NFATC4: variants seen among roughly 807,000 people sequenced by gnomAD.
The protein encoded by NFATC4 is nuclear factor of activated T cells 4.
A neutral mutation model predicts 73.4 loss-of-function variants in NFATC4; 25 were observed. That is an observed-to-expected ratio of 0.34 (90% CI 0.25 to 0.48). NFATC4 has a LOEUF of 0.48. NFATC4 is among the 20% of genes least tolerant of loss of function. NFATC4 has a pLI of 0.99. For missense variants in NFATC4, 1,130 were observed against 1,203.7 expected (o/e 0.94, Z 0.91); for synonymous variants, 523 against 510.3 (o/e 1.02, Z -0.34).
At chr14:24,368,535 G>C in intron 1 of NFATC4, 95 bp downstream of exon 1, 1 of 1,202,866 alleles carries the variant, frequency 8.3e-7, no homozygotes, top group Non-Finnish European at 1.0e-6. Context: ...CTAGGGTGGG[G>C]GGTGAGGGAG....
Position 24,376,507 on chromosome 14 carries a change from C to G in NFATC4, c.2270C>G (p.Ser757Cys), listed in dbSNP as rs377350961. ...TACCCCCAGACGGGGCCCCCACCAT[C>G]CTACAGACCGGGCCTGCGGATGTTC... is the stretch of plus-strand genomic sequence containing the variant. ...PLYPQTGPPPSYRPGLRMFPE... is the reference protein window; with the variant it reads ...PLYPQTGPPPCYRPGLRMFPE... The change falls in exon 9 of 10, where the codon TCC (serine) becomes TGC (cysteine). Residue 757 changes from serine to cysteine, a missense_variant. Ser to Cys is a moderately radical substitution (Grantham distance 112). Coordinates refer to ENST00000250373, the MANE Select transcript of NFATC4 (RefSeq NM_004554.5). This position sits in a 1 kb window ranked among gnomAD's most constrained non-coding sequence, Gnocchi z 5.0. The G allele has an allele frequency of 6.2e-7, 1 of 1,613,760 alleles. No homozygotes were observed. Among genetic ancestry groups the G allele is most frequent in the African/African-American group, 1.3e-5 (1 of 74,888 alleles).
At chr14:24,369,321 T>A (rs1478530408) in intron 1 of NFATC4, 178 bp from the exon 2 acceptor site, 8 of 1,591,294 alleles carry the variant, frequency 5.0e-6, no homozygotes, top group Non-Finnish European at 6.8e-6. Flanking sequence ...GCATGCCTGC[T>A]TCAATCTCCT....
upstream of NFATC4, chr14:24,367,992 GT>G (rs553785821): frequency 7.4e-3 from 6,467 of 869,478 alleles, 4 homozygotes; most frequent in African/African-American, 0.016. Flanking sequence ...TTCCAATTCA[GT>G]TTTTTTTTTT....
rs1316009708 is a variant in NFATC4, at chr14:24,373,181, A to G, written c.1370A>G (p.Tyr457Cys). Residue 457 changes from tyrosine to cysteine, a missense_variant, in exon 4 of 10, where the codon TAC (tyrosine) becomes TGC (cysteine). Coordinates refer to ENST00000250373, the MANE Select transcript of NFATC4 (RefSeq NM_004554.5). The surrounding 1 kb of genome is among the most constrained non-coding windows in gnomAD (Gnocchi z 4.7). ...GGHPVVKLLG[Y>C]SEKPLTLQMF... ...CTCTCCCTCTGCCAGCTCCTAGGCT[A>G]CAGTGAGAAGCCACTGACCCTACAG... The G allele has an allele frequency of 1.2e-6, 2 of 1,614,162 alleles. No individual in the cohort carries two copies. The highest frequency in any genetic ancestry group is 1.7e-5 in the Admixed American group (1 of 60,030).
Position 24,373,056 on chromosome 14 carries a change from A to T in NFATC4, c.1360-115A>T. On this transcript the variant is annotated intron_variant, in intron 3 of 9. Coordinates refer to ENST00000250373, the MANE Select transcript of NFATC4 (RefSeq NM_004554.5). The surrounding 1 kb of genome is among the most constrained non-coding windows in gnomAD (Gnocchi z 4.7). ...CCAGTTCCCCAAGGGATTCCCTTGC[A>T]GGATATCCTTTATCTTTCACCATTC... The T allele has an allele frequency of 9.6e-7, 1 of 1,042,050 alleles. No individual in the cohort carries two copies. Among genetic ancestry groups the T allele is most frequent in the Non-Finnish European group, 1.4e-6 (1 of 718,554 alleles). The allele number at this position is 1,042,050 out of a possible 1,614,324, so 64.6% of individuals were successfully genotyped here.
chr14:24,373,131 T>C lies in NFATC4; in HGVS notation c.1360-40T>C. ...TAGGGATGAATAAAGGATGAGACGG[T>C]GGGGATTTCAATGAGGTGGCCGCTC... On this transcript the variant is annotated intron_variant, in intron 3 of 9. Transcript: ENST00000250373. The surrounding 1 kb of genome is among the most constrained non-coding windows in gnomAD (Gnocchi z 4.7). The C allele has an allele frequency of 6.3e-7, 1 of 1,586,284 alleles. No individual in the cohort carries two copies. Among genetic ancestry groups the C allele is most frequent in the Non-Finnish European group, 8.6e-7 (1 of 1,156,076 alleles).
chr14:24,375,847 A>C, intron 7 of NFATC4, 128 bp from the exon 8 acceptor site: 1 of 1,538,028 alleles, frequency 6.5e-7, no homozygotes, highest in Non-Finnish European at 9.0e-7. Flanking sequence ...AAGCAGGTGC[A>C]TCTCTAGGGA....
rs1213041091 is a variant in NFATC4 at position 24,377,554 on chromosome 14, T to C, written c.2642-84T>C. The stretch of plus-strand genomic sequence containing the variant: ...TCTAGAGGCCTCCTAGATTAAGACC[T>C]GCCTGGAATGGATTGGGGGTGGGTC... On this transcript the variant is annotated intron_variant, in intron 9 of 9. Transcript: ENST00000250373. This position sits in a 1 kb window ranked among gnomAD's most constrained non-coding sequence, Gnocchi z 4.2. 2.5e-6 allele frequency: 4 copies of C among 1,603,540 alleles called. No individual in the cohort carries two copies. Among genetic ancestry groups the C allele is most frequent in the Non-Finnish European group, 2.6e-6 (3 of 1,173,968 alleles).
In NFATC4 at chr14:24,373,592, G is replaced by A. The variant is rs2139298699; in HGVS notation, c.1560-103G>A. ...ATAGCCTCCTAGGCACTCATCGAAA[G>A]TCATTCAAGGCTTTGGATGGAGGGC... is the stretch of plus-strand genomic sequence containing the variant. On this transcript the variant is annotated intron_variant, in intron 4 of 9. Coordinates refer to ENST00000250373, the MANE Select transcript of NFATC4 (RefSeq NM_004554.5). This position sits in a 1 kb window ranked among gnomAD's most constrained non-coding sequence, Gnocchi z 4.7. 1 of 1,510,152 alleles carries A rather than the reference G, an allele frequency of 6.6e-7. No homozygotes were observed. The highest frequency in any genetic ancestry group is 2.3e-5 in the East Asian group (1 of 44,228). 93.5% of individuals were successfully genotyped at this position (1,510,152 alleles called of 1,614,324 possible).
rs946476333 is a variant in NFATC4 at position 24,370,061 on chromosome 14, C to G, written c.663C>G (p.Ser221=). 6.2e-7 allele frequency: 1 copy of G among 1,607,622 alleles called. No individual in the cohort carries two copies. Among genetic ancestry groups the G allele is most frequent in the African/African-American group, 1.3e-5 (1 of 75,028 alleles). The change falls in exon 2 of 10, where the codon TCC becomes TCG. Residue 221 remains serine (S), a synonymous_variant. Transcript: ENST00000250373. ...CCCCGCTGCCCTCGCCCCGGGCCTC[C>G]CCTCGGCCATGGACCCCCGAAGATC... The part of the protein sequence containing the change: ...LGSPLPSPRA[S]PRPWTPEDPW...
In NFATC4 at chr14:24,373,669, G is replaced by T; in HGVS notation, c.1560-26G>T. 1 of 1,586,558 alleles carries T rather than the reference G, an allele frequency of 6.3e-7. No individual in the cohort carries two copies. Among genetic ancestry groups the T allele is most frequent in the Non-Finnish European group, 8.6e-7 (1 of 1,164,608 alleles). On this transcript the variant is annotated intron_variant, in intron 4 of 9. Transcript: ENST00000250373. This position sits in a 1 kb window ranked among gnomAD's most constrained non-coding sequence, Gnocchi z 4.7. The stretch of plus-strand genomic sequence containing the variant: ...CACCATTTTGGCTTCAGCTAGGAGG[G>T]CTTGCCATCCATCCTTTGCCTCCAG...
upstream of NFATC4, chr14:24,367,082 C>T (rs370783653): frequency 6.2e-7 from 1 of 1,613,832 alleles, no homozygotes; most frequent in African/African-American, 1.3e-5. Flanking sequence ...ATCTCTCCTA[C>T]CCGCCAGCCT....
chr14:24,368,551 G>T lies in NFATC4; in HGVS notation c.100+111G>T, dbSNP rs997441701. 77 of 1,134,878 alleles carry T rather than the reference G, an allele frequency of 6.8e-5. No homozygotes were observed. The African/African-American group carries it at 1.2e-3, about 17-fold the overall frequency. 70.3% of individuals were successfully genotyped at this position (1,134,878 alleles called of 1,614,324 possible). ...TAGGGTGGGGGGTGAGGGAGTCAGA[G>T]GTCGAAGGGAGTCGGGGGGACTCGT... On this transcript the variant is annotated intron_variant, in intron 1 of 9. Transcript: ENST00000250373.
At position 24,377,164 on chromosome 14, in the gene NFATC4, T is replaced by C; in HGVS notation, c.2641+286T>C. 7.7e-7 allele frequency: 1 copy of C among 1,293,036 alleles called. No homozygotes were observed. Among genetic ancestry groups the C allele is most frequent in the East Asian group, 2.9e-5 (1 of 34,546 alleles). 80.1% of individuals were successfully genotyped at this position (1,293,036 alleles called of 1,614,324 possible). On this transcript the variant is annotated intron_variant, in intron 9 of 9. Transcript: ENST00000250373. The surrounding 1 kb of genome is among the most constrained non-coding windows in gnomAD (Gnocchi z 4.2). ...GAGCTAGAAGCACTTTCAAGATCATTCCATCCAGCGCATTCAATTTGCAAG... is the reference window on the plus strand; with the variant it reads ...GAGCTAGAAGCACTTTCAAGATCATCCCATCCAGCGCATTCAATTTGCAAG...
Position 24,377,656 on chromosome 14 carries a change from G to A in NFATC4, c.2660G>A (p.Arg887Gln), listed in dbSNP as rs758997767. The change falls in exon 10 of 10, where the codon CGA (arginine) becomes CAA (glutamine). Residue 887 changes from arginine to glutamine, a missense_variant. Transcript: ENST00000250373. The surrounding 1 kb of genome is among the most constrained non-coding windows in gnomAD (Gnocchi z 4.2). ...TLEEVSEIIGRDLSGFPAPPG... is the reference protein window; with the variant it reads ...TLEEVSEIIGQDLSGFPAPPG... ...TTTACAGTGAGTGAGATCATTGGCC[G>A]AGACCTGAGTGGCTTCCCTGCACCT... The A allele has an allele frequency of 3.7e-5, 60 of 1,614,000 alleles. No homozygotes were observed. The highest frequency in any genetic ancestry group is 1.7e-4 in the Admixed American group (10 of 59,992).
In NFATC4 at chr14:24,368,441, GT is replaced by G; in HGVS notation, c.100+3del. The G allele has an allele frequency of 7.5e-7, 1 of 1,330,704 alleles. No individual in the cohort carries two copies. The highest frequency in any genetic ancestry group is 2.3e-5 in the South Asian group (1 of 43,512). 82.4% of individuals were successfully genotyped at this position (1,330,704 alleles called of 1,614,324 possible). ...CTGGGCGCGGGGGGATTGGGGGAAG[GT>G]TAGTGCTGGGCTGGGAAGGGGTCTT... On this transcript the variant is annotated splice_donor_variant, in intron 1 of 9. Transcript: ENST00000250373. LOFTEE classifies it high-confidence loss of function.
At chr14:24,375,759 G>GGCC in intron 7 of NFATC4, 44 bp downstream of exon 7, 1 of 617,004 alleles carries the variant, frequency 1.6e-6, no homozygotes, top group Non-Finnish European at 3.0e-6. Flanking sequence ...GGGGGTGGGA[G>GGCC]AAGGCAGGGG....
chr14:24,373,204 C>G lies in NFATC4; in HGVS notation c.1393C>G (p.Gln465Glu). The change falls in exon 4 of 10, where the codon CAG (glutamine) becomes GAG (glutamate). Residue 465 changes from glutamine to glutamate, a missense_variant. This residue lies in a region of NFATC4 where 155 missense variants were observed against 221.2 expected (regional missense o/e 0.70). Transcript: ENST00000250373. This position sits in a 1 kb window ranked among gnomAD's most constrained non-coding sequence, Gnocchi z 4.7. Reference protein sequence around the residue: ...LGYSEKPLTLQMFIGTADERN... With the variant: ...LGYSEKPLTLEMFIGTADERN... Reference sequence around the variant, plus strand: ...CTACAGTGAGAAGCCACTGACCCTACAGATGTTCATCGGCACTGCAGATGA... The same window carrying G: ...CTACAGTGAGAAGCCACTGACCCTAGAGATGTTCATCGGCACTGCAGATGA... 1 of 1,614,210 alleles carries G rather than the reference C, an allele frequency of 6.2e-7. No individual in the cohort carries two copies. Among genetic ancestry groups the G allele is most frequent in the East Asian group, 2.2e-5 (1 of 44,880 alleles).
At position 24,370,041 on chromosome 14, in the gene NFATC4, C is replaced by A. The variant is rs1338597261; in HGVS notation, c.643C>A (p.Leu215Met). ...CTCCCGCTTTGGCCTGGGCTCCCCGCTGCCCTCGCCCCGGGCCTCCCCTCG... is the reference window on the plus strand; with the variant it reads ...CTCCCGCTTTGGCCTGGGCTCCCCGATGCCCTCGCCCCGGGCCTCCCCTCG... ...AASRFGLGSP[L>M]PSPRASPRPW... The change falls in exon 2 of 10, where the codon CTG becomes ATG. Residue 215 changes from leucine (L) to methionine (M), a missense_variant. This residue lies in a region of NFATC4 where 585 missense variants were observed against 574.3 expected (regional missense o/e 1.02). Transcript: ENST00000250373. 3.7e-6 allele frequency: 6 copies of A among 1,609,972 alleles called. No homozygotes were observed. In the Admixed American group the frequency reaches 8.3e-5, roughly 22 times the overall value.
Sources: gnomAD v4.1 joint callset for allele counts on GRCh38, gnomAD v4.1.1 for gene constraint, gnomAD v4.1.1 regional missense constraint, Gnocchi (gnomAD v3.1) non-coding constraint, MANE v1.5 for transcripts, NCBI Gene and HGNC (gene_info 2026-07-23, HGNC 2026-07-21) for gene names.